ATXN10: variants seen among roughly 807,000 people sequenced by gnomAD.
The protein encoded by ATXN10 is ataxin-10.
A neutral mutation model predicts 52.9 loss-of-function variants in ATXN10; 28 were observed. The observed-to-expected ratio is 0.53, with a 90% confidence interval of 0.39 to 0.73. The LOEUF (loss-of-function observed/expected upper bound fraction) is 0.73. ATXN10 is among the 30% of genes least tolerant of loss of function. ATXN10 has a pLI of 0.00. For synonymous variants in ATXN10, 226 were observed against 221.5 expected (o/e 1.02, Z -0.18); for missense variants, 565 against 577.0 (o/e 0.98, Z 0.21).
chr22:45,671,948 G>C lies in ATXN10; in HGVS notation c.-116G>C, dbSNP rs915288995. On this transcript the variant is annotated 5_prime_UTR_variant, in exon 1 of 12. Coordinates refer to ENST00000252934, the MANE Select transcript of ATXN10 (RefSeq NM_013236.4). ...GGCGGCGGCGGTTAGGGCTGTGTAG[G>C]GCGAGGCCTCCCCCTTCCTCCTCGC... 8 of 1,218,646 alleles carry C rather than the reference G, an allele frequency of 6.6e-6. 1 individual carries two copies. Among genetic ancestry groups the C allele is most frequent in the Non-Finnish European group, 6.8e-6 (6 of 879,350 alleles). 75.5% of individuals were successfully genotyped at this position (1,218,646 alleles called of 1,614,324 possible). A position where few individuals can be genotyped will look rare whatever the true frequency, so the allele number is the denominator to read the frequency against.
In ATXN10 at chr22:45,827,426, A is replaced by G. The variant is rs1044113212; in HGVS notation, c.1238-15565A>G. Reference sequence around the variant, plus strand: ...ACTGTCTACAAGAGATTCAGTTTAGATCCAAAGACACAAATAGGTTGAAAA... The same window carrying G: ...ACTGTCTACAAGAGATTCAGTTTAGGTCCAAAGACACAAATAGGTTGAAAA... On this transcript the variant is annotated intron_variant, in intron 10 of 11. Coordinates refer to ENST00000252934, the MANE Select transcript of ATXN10 (RefSeq NM_013236.4). Among the ~76,000 whole-genome samples, 5 of 152,236 alleles carry G rather than the reference A, an allele frequency of 3.3e-5. 1 individual carries two copies. Among genetic ancestry groups the G allele is most frequent in the Non-Finnish European group, 7.3e-5 (5 of 68,036 alleles).
At chr22:45,703,648 T>C (rs894864319) in intron 5 of ATXN10, among the ~76,000 whole-genome samples, 20 of 152,190 alleles carry the variant, frequency 1.3e-4, no homozygotes, top group African/African-American at 4.3e-4. Context: ...TTGTTACTTA[T>C]ATAGACAGAG....
rs1569085259 is a variant in ATXN10, at chr22:45,840,587, G to A, written c.1238-2404G>A. Among the ~76,000 whole-genome samples, 1 of 152,222 alleles carries A rather than the reference G, an allele frequency of 6.6e-6. No homozygotes were observed. Among genetic ancestry groups the A allele is most frequent in the African/African-American group, 2.4e-5 (1 of 41,444 alleles). ...GGCTGAGAGATGAGGGCGCCTGGCA[G>A]GAGAGGTGGGTAGGGGCCGTCTGGC... On this transcript the variant is annotated intron_variant, in intron 10 of 11. Transcript: ENST00000252934. This position sits in a 1 kb window ranked among gnomAD's most constrained non-coding sequence, Gnocchi z 5.8.
At chr22:45,695,113 G>A (rs1362081718) in intron 3 of ATXN10, among the ~76,000 whole-genome samples, 1 of 151,682 alleles carries the variant, frequency 6.6e-6, no homozygotes, top group African/African-American at 2.4e-5. Context: ...GGCGGATCAC[G>A]AGGTCAGGAG....
chr22:45,808,609 G>A (rs144240323), intron 10 of ATXN10, among the ~76,000 whole-genome samples: 170 of 152,280 alleles, frequency 1.1e-3, no homozygotes, highest in African/African-American at 3.9e-3. Flanking sequence ...ACACCATGAA[G>A]CAGATACTAT....
Position 45,688,745 on chromosome 22 carries a change from G to T in ATXN10, c.117-967G>T, listed in dbSNP as rs1481230645. Among the ~76,000 whole-genome samples, 27 of 152,246 alleles carry T rather than the reference G, an allele frequency of 1.8e-4. No homozygotes were observed. Among genetic ancestry groups the T allele is most frequent in the Admixed American group, 1.8e-3 (27 of 15,290 alleles). On this transcript the variant is annotated intron_variant, in intron 1 of 11. Coordinates refer to ENST00000252934, the MANE Select transcript of ATXN10 (RefSeq NM_013236.4). The surrounding 1 kb of genome is among the most constrained non-coding windows in gnomAD (Gnocchi z 4.0). Reference sequence around the variant, plus strand: ...AAAGGTAGGGCACTGTGAATCTACAGCGAGAGCAGAAGGAGAAAATTCATA... The same window carrying T: ...AAAGGTAGGGCACTGTGAATCTACATCGAGAGCAGAAGGAGAAAATTCATA...
chr22:45,827,397 C>G (rs1382970306), intron 10 of ATXN10, among the ~76,000 whole-genome samples: 1 of 152,100 alleles, frequency 6.6e-6, no homozygotes, highest in Non-Finnish European at 1.5e-5. Flanking sequence ...CTTGATCTAA[C>G]TGTACTGTCT....
rs1028320208 is a variant in ATXN10, at chr22:45,681,421, G to A, written c.117-8291G>A. On this transcript the variant is annotated intron_variant, in intron 1 of 11. Coordinates refer to ENST00000252934, the MANE Select transcript of ATXN10 (RefSeq NM_013236.4). This position sits in a 1 kb window ranked among gnomAD's most constrained non-coding sequence, Gnocchi z 4.2. The stretch of plus-strand genomic sequence containing the variant: ...TTCATCAAGTCTTTAACCTCACCAG[G>A]ACCTACAGTCTTTTGACCCTATTTC... 6.6e-6 allele frequency among the ~76,000 whole-genome samples: 1 copy of A among 151,978 alleles called. No homozygotes were observed. Among genetic ancestry groups the A allele is most frequent in the African/African-American group, 2.4e-5 (1 of 41,380 alleles).
intron 9 of ATXN10, chr22:45,792,740 C>T (rs530943183): frequency 1.3e-5 from 6 of 447,312 alleles, no homozygotes; most frequent in South Asian, 7.4e-5. Flanking sequence ...TAACTATAAA[C>T]AAGCCAAGGT....
chr22:45,706,103 C>A (rs138145), intron 5 of ATXN10, among the ~76,000 whole-genome samples: 1 of 152,184 alleles, frequency 6.6e-6, no homozygotes, highest in African/African-American at 2.4e-5. Context: ...ACCGTCCCCC[C>A]ACCCCTGTCT....
chr22:45,751,888 G>A (rs1925990325), intron 9 of ATXN10, among the ~76,000 whole-genome samples: 1 of 145,490 alleles, frequency 6.9e-6, no homozygotes, highest in Admixed American at 6.9e-5. Flanking sequence ...AAATTAAGAG[G>A]ATCAAAGTTA....
intron 7 of ATXN10, among the ~76,000 whole-genome samples, chr22:45,737,191 C>T (rs1479929267): frequency 6.6e-6 from 1 of 152,190 alleles, no homozygotes; most frequent in East Asian, 1.9e-4. Flanking sequence ...GTTTAATGTG[C>T]CACTGCTGGC....
At chr22:45,804,730 T>A (rs1928042118) in intron 9 of ATXN10, among the ~76,000 whole-genome samples, 1 of 152,232 alleles carries the variant, frequency 6.6e-6, no homozygotes, top group South Asian at 2.1e-4. Context: ...AAATTTAATT[T>A]TTTAAAAGTA....
intron 6 of ATXN10, among the ~76,000 whole-genome samples, chr22:45,720,786 C>T (rs1924621249): frequency 6.6e-6 from 1 of 152,174 alleles, no homozygotes; most frequent in Admixed American, 6.5e-5. Context: ...AATCTGTTTT[C>T]TGCTGCCATA....
At chr22:45,776,340 A>T (rs1926953834) in intron 9 of ATXN10, among the ~76,000 whole-genome samples, 1 of 152,166 alleles carries the variant, frequency 6.6e-6, no homozygotes, top group African/African-American at 2.4e-5. Flanking sequence ...GTCACTGAAG[A>T]AGGTGTTTAA....
At chr22:45,761,409 C>T (rs1926385944) in intron 9 of ATXN10, among the ~76,000 whole-genome samples, 1 of 152,202 alleles carries the variant, frequency 6.6e-6, no homozygotes, top group African/African-American at 2.4e-5. Context: ...GCTCTGTAAA[C>T]TTTTAGGGAT....
In ATXN10 at chr22:45,696,630, A is replaced by T. The variant is rs73441151; in HGVS notation, c.391+3552A>T. ...CTTTACTCCATCATTTTCATCAGCAAGTAATATGCCCTCCCATTTTTCATT... is the reference window on the plus strand; with the variant it reads ...CTTTACTCCATCATTTTCATCAGCATGTAATATGCCCTCCCATTTTTCATT... On this transcript the variant is annotated intron_variant, in intron 3 of 11. Transcript: ENST00000252934. This position sits in a 1 kb window ranked among gnomAD's most constrained non-coding sequence, Gnocchi z 4.7. Among the ~76,000 whole-genome samples, 2,062 of 152,300 alleles carry T rather than the reference A, an allele frequency of 0.014. 51 individuals carry two copies. Among genetic ancestry groups the T allele is most frequent in the African/African-American group, 0.047 (1,964 of 41,560 alleles).
At position 45,787,895 on chromosome 22, in the gene ATXN10, A is replaced by T. The variant is rs1927373383; in HGVS notation, c.1174-19064A>T. Among the ~76,000 whole-genome samples the T allele has an allele frequency of 6.6e-6, 1 of 152,252 alleles. No individual in the cohort carries two copies. The highest frequency in any genetic ancestry group is 1.5e-5 in the Non-Finnish European group (1 of 68,040). On this transcript the variant is annotated intron_variant, in intron 9 of 11. Coordinates refer to ENST00000252934, the MANE Select transcript of ATXN10 (RefSeq NM_013236.4). This position sits in a 1 kb window ranked among gnomAD's most constrained non-coding sequence, Gnocchi z 4.2. Reference sequence around the variant, plus strand: ...TCTTTTTCCAGGAACAAAAATATTCATATCATTTACAAATTAATCTATCAG... The same window carrying T: ...TCTTTTTCCAGGAACAAAAATATTCTTATCATTTACAAATTAATCTATCAG...
At chr22:45,811,818 C>T (rs1379772607) in intron 10 of ATXN10, 2 of 469,772 alleles carry the variant, frequency 4.3e-6, no homozygotes, top group Non-Finnish European at 8.8e-6. Context: ...CCCATTCATT[C>T]AGTGTCATGA....
Sources: allele counts gnomAD v4.1 joint callset (sites outside exome capture counted in the v4.1 genomes callset), GRCh38; gene constraint gnomAD v4.1.1; non-coding constraint Gnocchi (gnomAD v3.1); transcripts MANE v1.5; gene names NCBI Gene and HGNC (gene_info 2026-07-23, HGNC 2026-07-21).